SCRG1: variants seen among roughly 807,000 people sequenced by gnomAD.
The protein encoded by SCRG1 is scrapie-responsive protein 1.
SCRG1 carries 3 observed loss-of-function variants against 7.7 expected under a neutral mutation model. The observed-to-expected ratio is 0.39, with a 90% confidence interval of 0.18 to 1.01. The LOEUF is 1.01. Ranked by LOEUF, SCRG1 falls within the 50% of genes least tolerant of loss-of-function variation. The pLI, the probability that SCRG1 is intolerant of heterozygous loss-of-function variation, is 0.36. For synonymous variants in SCRG1, 46 were observed against 41.2 expected (o/e 1.12, Z -0.44); for missense variants, 110 against 117.2 (o/e 0.94, Z 0.28).
upstream of SCRG1, among the ~76,000 whole-genome samples, chr4:173,400,300 C>A (rs1006279403): frequency 2.6e-5 from 4 of 152,024 alleles, no homozygotes; most frequent in Non-Finnish European, 5.9e-5. Context: ...AAGGCTTGGG[C>A]CTTTGGACGA....
rs11302799 is a variant in SCRG1 at position 173,386,301 on chromosome 4, A to ATTTTTTTTTTTTTTTTT, written c.*2023_*2039dup. ...AGGCGCCTGCCACCACGCCCAGCTA[A>ATTTTTTTTTTTTTTTTT]TTTTTTTTTTTTTTTTTTTTGTATT... is the stretch of plus-strand genomic sequence containing the variant. On this transcript the variant is annotated 3_prime_UTR_variant, in exon 3 of 3. Coordinates refer to ENST00000296506, the MANE Select transcript of SCRG1 (RefSeq NM_007281.4). 69 of 116,992 alleles carry ATTTTTTTTTTTTTTTTT rather than the reference A, an allele frequency of 5.9e-4. No homozygotes were observed. The highest frequency in any genetic ancestry group is 2.1e-3 in the African/African-American group (68 of 32,566). 7.2% of individuals were successfully genotyped at this position (116,992 alleles called of 1,614,324 possible). A position where few individuals can be genotyped will look rare whatever the true frequency, so the allele number is the denominator to read the frequency against.
chr4:173,515,756 C>A, the SCRG1 span, among the ~76,000 whole-genome samples: 2 of 152,090 alleles, frequency 1.3e-5, no homozygotes, highest in Non-Finnish European at 2.9e-5. This position sits in a 1 kb window ranked among gnomAD's most constrained non-coding sequence, Gnocchi z 4.6. Context: ...TATCTTAGTT[C>A]TCAGGTTTCC....
chr4:173,394,323 T>C (rs1355769445), intron 1 of SCRG1, among the ~76,000 whole-genome samples: 2 of 152,060 alleles, frequency 1.3e-5, no homozygotes, highest in Admixed American at 6.6e-5. Flanking sequence ...GGTATTTCCA[T>C]TGTGGTTACC....
chr4:173,456,506 T>C, the SCRG1 span, among the ~76,000 whole-genome samples: 1 of 152,330 alleles, frequency 6.6e-6, no homozygotes, highest in South Asian at 2.1e-4. Flanking sequence ...TCATCACCTA[T>C]AACACACACG....
upstream of SCRG1, among the ~76,000 whole-genome samples, chr4:173,400,067 G>A (rs574509728): frequency 4.7e-4 from 71 of 152,220 alleles, no homozygotes; most frequent in South Asian, 2.9e-3. Context: ...TGTTTTTATC[G>A]TGAAGATGAA....
chr4:173,431,071 A>T, the SCRG1 span, among the ~76,000 whole-genome samples: 1 of 152,220 alleles, frequency 6.6e-6, no homozygotes, highest in Non-Finnish European at 1.5e-5. Context: ...CCCCAGCATG[A>T]TGCAGTACCA....
At chr4:173,416,490 C>T in the SCRG1 span, among the ~76,000 whole-genome samples, 1 of 152,200 alleles carries the variant, frequency 6.6e-6, no homozygotes, top group Non-Finnish European at 1.5e-5. Context: ...CGCGGTGGCG[C>T]GCCTGTGGTC....
chr4:173,460,871 C>T, the SCRG1 span, among the ~76,000 whole-genome samples: 1 of 152,128 alleles, frequency 6.6e-6, no homozygotes, highest in Non-Finnish European at 1.5e-5. Flanking sequence ...AGGCAGCATT[C>T]ACCACAAGCT....
At chr4:173,442,985 A>C in the SCRG1 span, among the ~76,000 whole-genome samples, 42 of 152,198 alleles carry the variant, frequency 2.8e-4, no homozygotes, top group Non-Finnish European at 1.0e-4. Flanking sequence ...CTTATCTTTC[A>C]GTGCAATGCT....
chr4:173,506,269 G>C, the SCRG1 span, among the ~76,000 whole-genome samples: 4 of 152,184 alleles, frequency 2.6e-5, no homozygotes, highest in Non-Finnish European at 4.4e-5. The surrounding 1 kb of genome is among the most constrained non-coding windows in gnomAD (Gnocchi z 5.3). Flanking sequence ...AGTGCCCAAA[G>C]TTTCAATTCC....
the SCRG1 span, among the ~76,000 whole-genome samples, chr4:173,494,993 G>A: frequency 6.6e-6 from 1 of 152,220 alleles, no homozygotes; most frequent in Admixed American, 6.5e-5. Context: ...ATTCTGATCT[G>A]TCTGTGGCAG....
In SCRG1 at chr4:173,384,779, A is replaced by G. The variant is rs1243778464; in HGVS notation, c.*3562T>C. The stretch of plus-strand genomic sequence containing the variant: ...TATTACTGTCAACTTTGTGCTCAGT[A>G]ACGTGGGATTCACAGTAAGAACAAT... On this transcript the variant is annotated 3_prime_UTR_variant, in exon 3 of 3. Coordinates refer to ENST00000296506, the MANE Select transcript of SCRG1 (RefSeq NM_007281.4). 6.6e-6 allele frequency: 1 copy of G among 152,250 alleles called. No homozygotes were observed. Among genetic ancestry groups the G allele is most frequent in the Non-Finnish European group, 1.5e-5 (1 of 68,036 alleles). The allele number at this position is 152,250 out of a possible 1,614,324, so 9.4% of individuals were successfully genotyped here. A position where few individuals can be genotyped will look rare whatever the true frequency, so the allele number is the denominator to read the frequency against.
the SCRG1 span, among the ~76,000 whole-genome samples, chr4:173,503,154 C>G: frequency 6.6e-6 from 1 of 152,144 alleles, no homozygotes; most frequent in East Asian, 1.9e-4. This position sits in a 1 kb window ranked among gnomAD's most constrained non-coding sequence, Gnocchi z 6.4. Context: ...CGGTTTAGGC[C>G]AGCTTGACCC....
chr4:173,518,355 G>A, the SCRG1 span, among the ~76,000 whole-genome samples: 1 of 152,150 alleles, frequency 6.6e-6, no homozygotes, highest in African/African-American at 2.4e-5. Context: ...TCTCCAGGTA[G>A]GCAGGGAACC....
At chr4:173,501,655 G>A in the SCRG1 span, among the ~76,000 whole-genome samples, 4 of 152,158 alleles carry the variant, frequency 2.6e-5, no homozygotes, top group African/African-American at 9.7e-5. This position sits in a 1 kb window ranked among gnomAD's most constrained non-coding sequence, Gnocchi z 5.1. Flanking sequence ...CTGTCGGGCG[G>A]AGGTCACAGT....
chr4:173,459,494 A>G, the SCRG1 span, among the ~76,000 whole-genome samples: 1 of 152,238 alleles, frequency 6.6e-6, no homozygotes, highest in African/African-American at 2.4e-5. Context: ...AAACTTAACA[A>G]CATGCTCCTG....
chr4:173,494,921 C>A, the SCRG1 span, among the ~76,000 whole-genome samples: 2 of 152,138 alleles, frequency 1.3e-5, no homozygotes, highest in South Asian at 4.1e-4. Flanking sequence ...ACCTATTCTG[C>A]GTAAACTTCT....
chr4:173,389,065 C>CA (rs200956894), intron 2 of SCRG1, among the ~76,000 whole-genome samples: 37 of 150,084 alleles, frequency 2.5e-4, no homozygotes, highest in African/African-American at 7.3e-4. Context: ...TCAAGTCATA[C>CA]AAAAAAAAAG....
the SCRG1 span, among the ~76,000 whole-genome samples, chr4:173,444,858 C>T: frequency 5.9e-5 from 9 of 152,146 alleles, no homozygotes; most frequent in Non-Finnish European, 1.2e-4. Flanking sequence ...ACCTACATGA[C>T]CTGGAGCCCA....
Sources: gnomAD v4.1 joint callset for allele counts (sites outside exome capture counted in the v4.1 genomes callset) on GRCh38, gnomAD v4.1.1 for gene constraint, Gnocchi (gnomAD v3.1) non-coding constraint, MANE v1.5 for transcripts, NCBI Gene and HGNC (gene_info 2026-07-23, HGNC 2026-07-21) for gene names.